UBE2U: variants seen among roughly 807,000 people sequenced by gnomAD.
UBE2U encodes ubiquitin-conjugating enzyme E2 U.
Under a neutral mutation model 41.2 loss-of-function variants are expected in UBE2U, and 39 were observed. That is an observed-to-expected ratio of 0.95 (90% CI 0.73 to 1.24). UBE2U has a LOEUF of 1.24. Among genes scored for constraint, UBE2U ranks in the 50% most tolerant of loss-of-function variants. The pLI is 0.00. For synonymous variants in UBE2U, 107 were observed against 117.8 expected (o/e 0.91, Z 0.60); for missense variants, 336 against 363.1 (o/e 0.93, Z 0.61).
intron 5 of UBE2U, among the ~76,000 whole-genome samples, chr1:64,220,290 G>A (rs979469273): frequency 9.2e-5 from 14 of 152,146 alleles, no homozygotes; most frequent in Non-Finnish European, 1.5e-5. Flanking sequence ...GAGAGAGAGA[G>A]CACTGCTAAT....
At chr1:64,243,680 A>G (rs919221163) in intron 8 of UBE2U, among the ~76,000 whole-genome samples, 1 of 152,122 alleles carries the variant, frequency 6.6e-6, no homozygotes, top group Non-Finnish European at 1.5e-5. Flanking sequence ...CCCTCCCCTC[A>G]TCAATCAATA....
At chr1:64,217,348 C>T (rs768597154) in intron 5 of UBE2U, among the ~76,000 whole-genome samples, 1 of 152,124 alleles carries the variant, frequency 6.6e-6, no homozygotes, top group Non-Finnish European at 1.5e-5. Context: ...TATGAAAACT[C>T]AGAGGAGGAA....
At chr1:64,239,196 C>CCCAGACAAG (rs1644787772) in intron 7 of UBE2U, among the ~76,000 whole-genome samples, 1 of 126,828 alleles carries the variant, frequency 7.9e-6, no homozygotes, top group Admixed American at 8.2e-5. Flanking sequence ...AGAAGAAAGC[C>CCCAGACAAG]CCAGACAAGG....
At chr1:64,257,740 C>A (rs1248745151) in intron 8 of UBE2U, among the ~76,000 whole-genome samples, 1 of 152,066 alleles carries the variant, frequency 6.6e-6, no homozygotes, top group Non-Finnish European at 1.5e-5. Context: ...TGTAACAAAC[C>A]TGCACATCTT....
chr1:64,225,350 G>C (rs1300669532), intron 6 of UBE2U, among the ~76,000 whole-genome samples: 2 of 152,184 alleles, frequency 1.3e-5, no homozygotes, highest in Non-Finnish European at 2.9e-5. Flanking sequence ...AACACAGCAA[G>C]GGGGAAAAGA....
chr1:64,209,246 C>G (rs1002591181), intron 3 of UBE2U, among the ~76,000 whole-genome samples: 1 of 152,046 alleles, frequency 6.6e-6, no homozygotes, highest in Non-Finnish European at 1.5e-5. Flanking sequence ...AGTCCTCATC[C>G]CTCCCACTTC....
intron 8 of UBE2U, among the ~76,000 whole-genome samples, chr1:64,244,577 T>C (rs1308431739): frequency 6.6e-6 from 1 of 152,154 alleles, no homozygotes; most frequent in African/African-American, 2.4e-5. Flanking sequence ...CTGGTTCCTT[T>C]TCCTTCTCTA....
intron 6 of UBE2U, among the ~76,000 whole-genome samples, chr1:64,227,724 C>T (rs773514225): frequency 1.3e-4 from 20 of 152,142 alleles, no homozygotes; most frequent in Non-Finnish European, 1.9e-4. Context: ...ATCACTTGAA[C>T]CTGGGAGGCA....
chr1:64,239,117 G>GGAAGA (rs1355619461), intron 7 of UBE2U, among the ~76,000 whole-genome samples: 60 of 22,624 alleles, frequency 2.7e-3, no homozygotes, highest in African/African-American at 0.017. Context: ...AGAAGAAGAA[G>GGAAGA]AAGAAGAAGA....
chr1:64,221,936 A>T (rs1384767328), intron 6 of UBE2U, among the ~76,000 whole-genome samples: 1 of 151,896 alleles, frequency 6.6e-6, no homozygotes, highest in Non-Finnish European at 1.5e-5. Flanking sequence ...AATACAAAAA[A>T]ATTAGCCGAG....
chr1:64,239,132 GA>G lies in UBE2U; in HGVS notation c.596-2518del, dbSNP rs1557730335. ...AGAAGAAGAAGAAGAAGAAGAAGAA[GA>G]AGAAGAAGAAGAAGAAGAAGAAGAA... On this transcript the variant is annotated intron_variant, in intron 7 of 9. Coordinates refer to ENST00000371077, the MANE Select transcript of UBE2U (RefSeq NM_001366232.2). Among the ~76,000 whole-genome samples, 19 of 27,690 alleles carry G rather than the reference GA, an allele frequency of 6.9e-4. 1 individual carries two copies. Among genetic ancestry groups the G allele is most frequent in the African/African-American group, 3.3e-3 (17 of 5,194 alleles). 18.2% of individuals were successfully genotyped at this position (27,690 alleles called of 152,430 possible). A position where few individuals can be genotyped will look rare whatever the true frequency, so the allele number is the denominator to read the frequency against.
intron 6 of UBE2U, among the ~76,000 whole-genome samples, chr1:64,231,139 G>GA (rs1644556493): frequency 6.7e-6 from 1 of 149,906 alleles, no homozygotes; most frequent in Non-Finnish European, 1.5e-5. Flanking sequence ...TATTATGGAG[G>GA]AAAAAACAGA....
chr1:64,223,857 G>A (rs1035488232), intron 6 of UBE2U, among the ~76,000 whole-genome samples: 1 of 152,164 alleles, frequency 6.6e-6, no homozygotes, highest in Non-Finnish European at 1.5e-5. Context: ...AGAGGGAACA[G>A]CACATTCAAC....
At chr1:64,231,542 A>G (rs1192850663) in intron 6 of UBE2U, among the ~76,000 whole-genome samples, 3 of 152,220 alleles carry the variant, frequency 2.0e-5, no homozygotes, top group Non-Finnish European at 4.4e-5. Context: ...TCAAATTTCT[A>G]CTTAAGTGTG....
At chr1:64,243,533 C>T (rs4915955) in intron 8 of UBE2U, among the ~76,000 whole-genome samples, 25,351 of 152,086 alleles carry the variant, frequency 0.17, 2,452 homozygotes, top group East Asian at 0.42. Context: ...TTAAGCATCT[C>T]TCAGTTTTTA....
At chr1:64,224,551 C>G (rs1343801985) in intron 6 of UBE2U, among the ~76,000 whole-genome samples, 1 of 151,950 alleles carries the variant, frequency 6.6e-6, no homozygotes, top group African/African-American at 2.4e-5. Context: ...GATGAAACCC[C>G]GTCTCTACTA....
chr1:64,261,739 T>C (rs564140843), intron 9 of UBE2U, among the ~76,000 whole-genome samples: 1 of 152,274 alleles, frequency 6.6e-6, no homozygotes, highest in African/African-American at 2.4e-5. Context: ...CTCCATGATT[T>C]CCCTACTCCC....
rs372663283 is a variant in UBE2U at position 64,259,656 on chromosome 1, A to G, written c.678-947A>G. Among the ~76,000 whole-genome samples, 50 of 152,184 alleles carry G rather than the reference A, an allele frequency of 3.3e-4. 1 individual carries two copies. In the South Asian group the frequency reaches 9.6e-3, roughly 29 times the overall value. ...TTTCTTCAAGAAAACTTTGTTGCCAAAAGTTTTCTTTTCATTATGTACCCC... is the reference window on the plus strand; with the variant it reads ...TTTCTTCAAGAAAACTTTGTTGCCAGAAGTTTTCTTTTCATTATGTACCCC... On this transcript the variant is annotated intron_variant, in intron 8 of 9. Transcript: ENST00000371077.
chr1:64,264,742 C>G (rs1645229623), intron 9 of UBE2U, among the ~76,000 whole-genome samples: 1 of 152,050 alleles, frequency 6.6e-6, no homozygotes, highest in Non-Finnish European at 1.5e-5. Flanking sequence ...CACCTGAGGT[C>G]AGGAGTTTGA....
Sources: allele counts gnomAD v4.1 joint callset (sites outside exome capture counted in the v4.1 genomes callset), GRCh38; gene constraint gnomAD v4.1.1; transcripts MANE v1.5; gene names NCBI Gene and HGNC (gene_info 2026-07-23, HGNC 2026-07-21).